Variants in CNTN4 observed in about 807,000 individuals in gnomAD.
CNTN4 encodes contactin 4.
A neutral mutation model predicts 122.5 loss-of-function variants in CNTN4; 77 were observed. The ratio of observed to expected loss-of-function variants is 0.63; its 90% CI spans 0.52 to 0.76. The LOEUF is 0.76. CNTN4 is among the 30% of genes least tolerant of loss of function. The probability of loss-of-function intolerance (pLI) is 0.00; values close to 1 mark genes in which losing one functional copy is unlikely to be tolerated. For synonymous variants in CNTN4, 512 were observed against 447.0 expected, an observed-to-expected ratio of 1.15 and a Z score of -1.83; for missense variants, 1,256 against 1,259.1, an observed-to-expected ratio of 1.00 and a Z score of 0.04.
intron 3 of CNTN4, among the ~76,000 whole-genome samples, chr3:2,456,156 A>G (rs1032302568): frequency 6.6e-6 from 1 of 151,954 alleles, no homozygotes; most frequent in Non-Finnish European, 1.5e-5. Context: ...AGCCTTCCTG[A>G]ATCTGAATCT....
At chr3:2,829,398 C>T (rs1274084796) in intron 7 of CNTN4, among the ~76,000 whole-genome samples, 3 of 152,088 alleles carry the variant, frequency 2.0e-5, no homozygotes, top group Non-Finnish European at 2.9e-5. Flanking sequence ...GGAGTGCTTG[C>T]CCTCACTACA....
intron 3 of CNTN4, among the ~76,000 whole-genome samples, chr3:2,456,805 A>G (rs1410008864): frequency 1.3e-5 from 2 of 152,062 alleles, no homozygotes; most frequent in African/African-American, 4.8e-5. Context: ...CCTTTTGGCT[A>G]TTGTGAAAAG....
intron 7 of CNTN4, among the ~76,000 whole-genome samples, chr3:2,835,926 C>T: frequency 6.6e-6 from 1 of 152,038 alleles, no homozygotes; most frequent in East Asian, 1.9e-4. Flanking sequence ...AATTAGAAAA[C>T]AGTATATAGA....
intron 2 of CNTN4, among the ~76,000 whole-genome samples, chr3:2,284,668 C>G (rs2041841075): frequency 6.6e-6 from 1 of 151,580 alleles, no homozygotes; most frequent in African/African-American, 2.4e-5. Context: ...AATCAAATTC[C>G]TGCAATAGAG....
intron 6 of CNTN4, among the ~76,000 whole-genome samples, chr3:2,808,847 C>G (rs542326961): frequency 6.6e-6 from 1 of 152,318 alleles, no homozygotes; most frequent in South Asian, 2.1e-4. Flanking sequence ...CAAAGCTTCC[C>G]TGGCTATTGA....
At chr3:2,347,066 GT>G (rs1303303086) in intron 3 of CNTN4, among the ~76,000 whole-genome samples, 1 of 152,118 alleles carries the variant, frequency 6.6e-6, no homozygotes, top group Admixed American at 6.6e-5. Context: ...GAGTCCTTCA[GT>G]TTTTAAATTT....
At chr3:2,400,430 T>TATATAC (rs1553640939) in intron 3 of CNTN4, among the ~76,000 whole-genome samples, 2,561 of 68,292 alleles carry the variant, frequency 0.038, 50 homozygotes, top group Middle Eastern at 0.062. Flanking sequence ...TATATATACA[T>TATATAC]ATATATATAT....
At chr3:2,583,555 T>C (rs2080043822) in intron 4 of CNTN4, among the ~76,000 whole-genome samples, 1 of 152,228 alleles carries the variant, frequency 6.6e-6, no homozygotes, top group African/African-American at 2.4e-5. Context: ...ATTGGCTTTG[T>C]CAAAAGATTT....
intron 2 of CNTN4, among the ~76,000 whole-genome samples, chr3:2,199,037 C>G (rs2037974648): frequency 1.3e-5 from 2 of 152,164 alleles, no homozygotes; most frequent in Admixed American, 1.3e-4. Flanking sequence ...AGCCCATGGC[C>G]AAGAGATGTC....
At chr3:2,562,522 C>T (rs1025706056) in intron 3 of CNTN4, among the ~76,000 whole-genome samples, 4 of 152,262 alleles carry the variant, frequency 2.6e-5, no homozygotes, top group African/African-American at 9.6e-5. Context: ...AGTATAATGG[C>T]CTCCAGCTGC....
chr3:2,845,105 G>C (rs1461065751), intron 7 of CNTN4, among the ~76,000 whole-genome samples: 1 of 152,024 alleles, frequency 6.6e-6, no homozygotes, highest in African/African-American at 2.4e-5. Flanking sequence ...CAAAAACTAG[G>C]TGCAATCCTT....
intron 23 of CNTN4, among the ~76,000 whole-genome samples, chr3:3,048,150 G>A (rs1354190475): frequency 6.6e-6 from 1 of 152,062 alleles, no homozygotes; most frequent in South Asian, 2.1e-4. Context: ...ACATATACAT[G>A]TGAATGTTTA....
At chr3:2,676,184 C>G (rs2084833073) in intron 4 of CNTN4, among the ~76,000 whole-genome samples, 1 of 152,050 alleles carries the variant, frequency 6.6e-6, no homozygotes, top group Admixed American at 6.6e-5. Context: ...CACCAAACAT[C>G]CAGTGAATAC....
At chr3:2,641,329 C>T (rs1335577054) in intron 4 of CNTN4, among the ~76,000 whole-genome samples, 3 of 152,070 alleles carry the variant, frequency 2.0e-5, no homozygotes, top group Admixed American at 1.3e-4. Context: ...TCTGTTGAAA[C>T]TTCCCAGGGA....
At chr3:2,826,816 C>T (rs2092997714) in intron 7 of CNTN4, among the ~76,000 whole-genome samples, 1 of 152,316 alleles carries the variant, frequency 6.6e-6, no homozygotes, top group African/African-American at 2.4e-5. Context: ...AGTCAAGTTG[C>T]CAACTCTGCC....
chr3:2,303,385 C>T (rs2150087019), intron 2 of CNTN4, among the ~76,000 whole-genome samples: 1 of 152,232 alleles, frequency 6.6e-6, no homozygotes, highest in African/African-American at 2.4e-5. Context: ...ACTCCCCAAC[C>T]CAGCTCTGGA....
intron 2 of CNTN4, among the ~76,000 whole-genome samples, chr3:2,173,539 A>C (rs1381405454): frequency 2.0e-5 from 3 of 152,192 alleles, no homozygotes; most frequent in African/African-American, 7.2e-5. Flanking sequence ...GGGGATATCA[A>C]ACTGTTAATG....
intron 3 of CNTN4, among the ~76,000 whole-genome samples, chr3:2,446,598 C>A (rs971542290): frequency 6.6e-5 from 10 of 152,134 alleles, no homozygotes; most frequent in Non-Finnish European, 1.3e-4. Context: ...CACCCTCACT[C>A]CTTGAAATGA....
At chr3:2,432,580 G>C (rs983706161) in intron 3 of CNTN4, among the ~76,000 whole-genome samples, 3 of 151,274 alleles carry the variant, frequency 2.0e-5, no homozygotes, top group Admixed American at 1.3e-4. Context: ...ATTCCACCCT[G>C]TGTGTGTGTG....
Sources: allele counts gnomAD v4.1 joint callset (sites outside exome capture counted in the v4.1 genomes callset), GRCh38; gene constraint gnomAD v4.1.1; transcripts MANE v1.5; gene names NCBI Gene and HGNC (gene_info 2026-07-23, HGNC 2026-07-21).